Variants in TANC1 observed in about 807,000 individuals in gnomAD.
The protein encoded by TANC1 is protein TANC1.
Under a neutral mutation model 149.7 loss-of-function variants are expected in TANC1, and 77 were observed. The observed-to-expected ratio is 0.51, with a 90% CI of 0.43 to 0.62. The LOEUF (loss-of-function observed/expected upper bound fraction) is 0.62. Ranked by LOEUF, TANC1 falls within the 20% of genes least tolerant of loss-of-function variation. The pLI, the probability that TANC1 is intolerant of heterozygous loss-of-function variation, is 0.00. For missense variants in TANC1, 1,985 were observed against 2,321.8 expected (o/e 0.85, Z 2.98); for synonymous variants, 854 against 925.0 (o/e 0.92, Z 1.39).
At chr2:158,991,701 G>A (rs1305895078) in intron 1 of TANC1, among the ~76,000 whole-genome samples, 2 of 151,910 alleles carry the variant, frequency 1.3e-5, no homozygotes, top group Admixed American at 6.6e-5. Flanking sequence ...AGCTGATATC[G>A]CACCACTGCA....
intron 16 of TANC1, 36 bp downstream of exon 16, chr2:159,187,060 G>T: frequency 1.2e-6 from 2 of 1,609,054 alleles, no homozygotes; most frequent in African/African-American, 1.3e-5. Flanking sequence ...CGGAGACCCA[G>T]CCCTGGCCGG....
intron 4 of TANC1, among the ~76,000 whole-genome samples, chr2:159,114,061 T>C (rs1023177521): frequency 6.6e-6 from 1 of 152,232 alleles, no homozygotes; most frequent in Admixed American, 6.5e-5. Context: ...AGCCAAATGC[T>C]TTATGCTTAT....
rs760886790 is a variant in TANC1 at position 159,149,119 on chromosome 2, A to T, written c.365-23A>T. ...TGAAATTCCCCAGAGGGGCATCTTCATTGTTTTCTTTCTTTGTTCCAGAAG... is the reference window on the plus strand; with the variant it reads ...TGAAATTCCCCAGAGGGGCATCTTCTTTGTTTTCTTTCTTTGTTCCAGAAG... On this transcript the variant is annotated intron_variant, in intron 5 of 26. Coordinates refer to ENST00000263635, the MANE Select transcript of TANC1 (RefSeq NM_033394.3). 1.3e-5 allele frequency: 20 copies of T among 1,558,768 alleles called. No homozygotes were observed. In the East Asian group the frequency reaches 4.3e-4, roughly 33 times the overall value.
intron 3 of TANC1, 139 bp from the exon 4 acceptor site, chr2:159,097,498 G>A (rs2046257602): frequency 1.5e-6 from 1 of 682,164 alleles, no homozygotes; most frequent in East Asian, 2.7e-5. Flanking sequence ...AGTAGTGGGG[G>A]AAAAGTCATT....
At chr2:159,005,133 G>A (rs1297974850) in intron 2 of TANC1, among the ~76,000 whole-genome samples, 1 of 152,136 alleles carries the variant, frequency 6.6e-6, no homozygotes, top group Non-Finnish European at 1.5e-5. Context: ...GTTGTTCCTT[G>A]CCCTCATTCC....
intron 4 of TANC1, among the ~76,000 whole-genome samples, chr2:159,111,422 G>A (rs2047703316): frequency 6.6e-6 from 1 of 152,228 alleles, no homozygotes; most frequent in Non-Finnish European, 1.5e-5. Flanking sequence ...TGAGGCAGAA[G>A]CCTTTGTGTC....
intron 2 of TANC1, among the ~76,000 whole-genome samples, chr2:159,008,600 C>G (rs547738615): frequency 1.3e-5 from 2 of 152,212 alleles, no homozygotes; most frequent in African/African-American, 4.8e-5. Context: ...AGTGCGAGAC[C>G]ATGAGAGGAT....
At chr2:159,067,397 A>G (rs193272714) in intron 3 of TANC1, among the ~76,000 whole-genome samples, 1 of 152,332 alleles carries the variant, frequency 6.6e-6, no homozygotes, top group East Asian at 1.9e-4. Context: ...CCAGTTTTTA[A>G]TGACCTAAAC....
At chr2:159,064,506 G>A (rs1474546907) in intron 2 of TANC1, among the ~76,000 whole-genome samples, 1 of 152,152 alleles carries the variant, frequency 6.6e-6, no homozygotes, top group African/African-American at 2.4e-5. Flanking sequence ...AGGAGAGACC[G>A]GCCTGGTGGA....
intron 1 of TANC1, among the ~76,000 whole-genome samples, chr2:158,975,089 AC>A (rs2033478757): frequency 6.6e-6 from 1 of 152,068 alleles, no homozygotes; most frequent in Non-Finnish European, 1.5e-5. Flanking sequence ...TATTTATAAT[AC>A]CTAATATAAT....
Position 159,230,664 on chromosome 2 carries a change from T to C in TANC1, c.5238T>C (p.Cys1746=). ...ATCCTCCAAGCCGCAGCTGGCACTG[T>C]CCGGCACCAGAGGGGCTGCTGACAA... ...QSNPPSRSWH[C]PAPEGLLTNT... The change falls in exon 27 of 27, where the codon TGT becomes TGC. Residue 1746 remains cysteine (C), a synonymous_variant. Coordinates refer to ENST00000263635, the MANE Select transcript of TANC1 (RefSeq NM_033394.3). The surrounding 1 kb of genome is among the most constrained non-coding windows in gnomAD (Gnocchi z 4.4). 6.2e-7 allele frequency: 1 copy of C among 1,614,228 alleles called. No homozygotes were observed. Among genetic ancestry groups the C allele is most frequent in the Non-Finnish European group, 8.5e-7 (1 of 1,180,040 alleles).
intron 19 of TANC1, among the ~76,000 whole-genome samples, chr2:159,213,034 G>C (rs2150872485): frequency 6.6e-6 from 1 of 152,270 alleles, no homozygotes; most frequent in South Asian, 2.1e-4. Flanking sequence ...TTGAGAGCCA[G>C]ATTCTCCACT....
At chr2:159,085,037 T>C (rs974332581) in intron 3 of TANC1, among the ~76,000 whole-genome samples, 1 of 152,136 alleles carries the variant, frequency 6.6e-6, no homozygotes, top group Non-Finnish European at 1.5e-5. Flanking sequence ...ATTAGTGTAT[T>C]CAAGTTAATG....
intron 2 of TANC1, among the ~76,000 whole-genome samples, chr2:159,012,594 T>C (rs1350666268): frequency 1.3e-5 from 2 of 152,170 alleles, no homozygotes; most frequent in East Asian, 3.8e-4. Context: ...GAATGGAAGA[T>C]ACTGAGACTG....
chr2:159,078,398 G>T (rs2043910316), intron 3 of TANC1, among the ~76,000 whole-genome samples: 1 of 152,134 alleles, frequency 6.6e-6, no homozygotes, highest in Non-Finnish European at 1.5e-5. Context: ...TGTGTGTCTT[G>T]TTTAATTTTG....
chr2:159,136,047 T>TGTGTGTGTGTGTGTGTGTGA, intron 4 of TANC1, 147 bp from the exon 5 acceptor site: 3 of 210,230 alleles, frequency 1.4e-5, no homozygotes, highest in Non-Finnish European at 1.8e-5. Context: ...TGTGTGTGTG[T>TGTGTGTGTGTGTGTGTGTGA]GTGCGCGCGC....
intron 3 of TANC1, among the ~76,000 whole-genome samples, chr2:159,085,304 G>C (rs1289656919): frequency 6.6e-6 from 1 of 152,132 alleles, no homozygotes; most frequent in East Asian, 1.9e-4. Flanking sequence ...TTCTCAGCCT[G>C]CAGAACGATG....
chr2:159,115,332 A>G (rs1258151298), intron 4 of TANC1, among the ~76,000 whole-genome samples: 1 of 152,208 alleles, frequency 6.6e-6, no homozygotes, highest in African/African-American at 2.4e-5. Flanking sequence ...TGTTTCACAC[A>G]GGCCTCCTTG....
chr2:159,016,041 C>T (rs2038235269), intron 2 of TANC1, among the ~76,000 whole-genome samples: 2 of 152,186 alleles, frequency 1.3e-5, no homozygotes, highest in South Asian at 2.1e-4. Context: ...GCACCCCACT[C>T]CTGGTACCAA....
Sources: allele counts gnomAD v4.1 joint callset (sites outside exome capture counted in the v4.1 genomes callset), GRCh38; gene constraint gnomAD v4.1.1; non-coding constraint Gnocchi (gnomAD v3.1); transcripts MANE v1.5; gene names NCBI Gene and HGNC (gene_info 2026-07-23, HGNC 2026-07-21).